COL4A4: variants seen among roughly 807,000 people sequenced by gnomAD.
COL4A4 encodes collagen alpha-4(IV) chain.
Under a neutral mutation model 192.9 loss-of-function variants are expected in COL4A4, and 105 were observed. That is an observed-to-expected ratio of 0.54 (90% CI 0.46 to 0.64). The LOEUF is 0.64. Among genes scored for constraint, COL4A4 ranks in the 30% least tolerant of loss-of-function variants. The pLI is 0.00. For synonymous variants in COL4A4, 762 were observed against 769.9 expected (o/e 0.99, Z 0.17); for missense variants, 1,967 against 2,169.3 (o/e 0.91, Z 1.85).
At chr2:227,024,036 A>C (rs1575830629) in intron 43 of COL4A4, among the ~76,000 whole-genome samples, 1 of 151,412 alleles carries the variant, frequency 6.6e-6, no homozygotes, top group Non-Finnish European at 1.5e-5. Context: ...AACAAAAAAA[A>C]CCACTCAGGC....
downstream of COL4A4, among the ~76,000 whole-genome samples, chr2:226,999,442 A>AC (rs1446044551): frequency 6.6e-6 from 1 of 152,144 alleles, no homozygotes; most frequent in African/African-American, 2.4e-5. Context: ...TTCCCACACG[A>AC]CCAAGAAGTG....
chr2:227,125,284 T>G (rs2062021088), intron 4 of COL4A4, among the ~76,000 whole-genome samples: 1 of 152,062 alleles, frequency 6.6e-6, no homozygotes, highest in South Asian at 2.1e-4. Context: ...CTCAGCTCAC[T>G]GCAACCTCTG....
At chr2:227,040,577 T>C (rs906384952) in intron 37 of COL4A4, among the ~76,000 whole-genome samples, 1 of 151,854 alleles carries the variant, frequency 6.6e-6, no homozygotes, top group Admixed American at 6.6e-5. Context: ...TCTTTTTTTT[T>C]TTTTTTGAGA....
intron 25 of COL4A4, among the ~76,000 whole-genome samples, chr2:227,065,349 C>G (rs1273091031): frequency 2.6e-5 from 4 of 152,300 alleles, no homozygotes; most frequent in Admixed American, 6.5e-5. Flanking sequence ...CAAAGCAGCC[C>G]AGAAGCTCAA....
intron 25 of COL4A4, among the ~76,000 whole-genome samples, chr2:227,065,250 T>C (rs1202213300): frequency 5.3e-5 from 8 of 152,258 alleles, no homozygotes; most frequent in Non-Finnish European, 1.2e-4. Context: ...CCAGGCTGAT[T>C]GCTAGCACAG....
At chr2:227,143,694 A>G (rs113978207) in intron 3 of COL4A4, among the ~76,000 whole-genome samples, 12 of 152,392 alleles carry the variant, frequency 7.9e-5, no homozygotes, top group African/African-American at 2.9e-4. Flanking sequence ...ACACATGTAT[A>G]TATCATAGTA....
At chr2:227,084,798 A>C (rs2059499320) in intron 22 of COL4A4, among the ~76,000 whole-genome samples, 1 of 151,990 alleles carries the variant, frequency 6.6e-6, no homozygotes, top group Non-Finnish European at 1.5e-5. Flanking sequence ...ATCACCAAAC[A>C]CTTGTGTTAC....
chr2:227,047,763 G>A (rs973735575), intron 34 of COL4A4, among the ~76,000 whole-genome samples: 3 of 66,702 alleles, frequency 4.5e-5, no homozygotes, highest in Admixed American at 1.4e-4. Flanking sequence ...ACACACACAC[G>A]GTTTTAGAAT....
chr2:227,143,213 C>T (rs1457566956), intron 3 of COL4A4, among the ~76,000 whole-genome samples: 1 of 152,196 alleles, frequency 6.6e-6, no homozygotes, highest in Non-Finnish European at 1.5e-5. Flanking sequence ...ACATACCATA[C>T]TTTGTTTAAC....
At chr2:227,109,794 T>C (rs1460810600) in intron 9 of COL4A4, among the ~76,000 whole-genome samples, 2 of 150,782 alleles carry the variant, frequency 1.3e-5, no homozygotes, top group Admixed American at 1.3e-4. Context: ...CTCTGGTAGT[T>C]GTGATAAATT....
At chr2:227,147,675 T>C in intron 1 of COL4A4, 91 bp from the exon 2 acceptor site, 1 of 549,052 alleles carries the variant, frequency 1.8e-6, no homozygotes, top group Non-Finnish European at 3.3e-6. Flanking sequence ...GGAAATATTT[T>C]CTAAAGGGTA....
chr2:227,070,677 C>G (rs1366270724), intron 25 of COL4A4, among the ~76,000 whole-genome samples: 1 of 126,586 alleles, frequency 7.9e-6, no homozygotes, highest in African/African-American at 3.1e-5. Context: ...AATGAGAACA[C>G]ATAGACACAG....
intron 45 of COL4A4, 148 bp from the exon 46 acceptor site, chr2:227,010,649 C>T: frequency 3.5e-6 from 2 of 578,236 alleles, no homozygotes; most frequent in Non-Finnish European, 6.0e-6. Flanking sequence ...GGAACGTACA[C>T]AGCTACACAG....
rs1377572154 is a variant in COL4A4, at chr2:227,103,986, A to G, written c.802T>C (p.Tyr268His). 3 of 1,613,486 alleles carry G rather than the reference A, an allele frequency of 1.9e-6. No homozygotes were observed. Among genetic ancestry groups the G allele is most frequent in the Non-Finnish European group, 2.5e-6 (3 of 1,179,718 alleles). The change falls in exon 13 of 48, where the codon TAT becomes CAT. Residue 268 changes from tyrosine (Y) to histidine (H), a missense_variant. Physicochemically the swap from Tyr to His is moderately conservative, Grantham distance 83. Transcript: ENST00000396625. ...TTGGGAATTACCTTTTCTCCTTTAT[A>G]GAGACAAAAGTCAGGTGGCTCTACC... ...LLVEPPDFCL[Y>H]KGEKGIKGIP...
At chr2:227,084,811 T>C (rs958830238) in intron 22 of COL4A4, among the ~76,000 whole-genome samples, 1 of 152,092 alleles carries the variant, frequency 6.6e-6, no homozygotes, top group Non-Finnish European at 1.5e-5. Context: ...TGTGTTACTC[T>C]AACAACGGAA....
chr2:227,148,549 C>T (rs1451735121), intron 1 of COL4A4, among the ~76,000 whole-genome samples: 1 of 152,010 alleles, frequency 6.6e-6, no homozygotes, highest in East Asian at 1.9e-4. Context: ...GGCTGCACAA[C>T]ATTATGAATA....
At chr2:227,018,171 C>T (rs536936143) in intron 44 of COL4A4, among the ~76,000 whole-genome samples, 1 of 152,274 alleles carries the variant, frequency 6.6e-6, no homozygotes, top group East Asian at 1.9e-4. Context: ...TCCTAGCTGT[C>T]CTGCAGTTCT....
chr2:227,046,112 T>C (rs2150137932), intron 35 of COL4A4, among the ~76,000 whole-genome samples: 1 of 111,982 alleles, frequency 8.9e-6, no homozygotes, highest in Non-Finnish European at 1.8e-5. Flanking sequence ...TATATCTAAA[T>C]ATATTTGTTC....
chr2:227,113,824 G>A (rs1302743717), intron 8 of COL4A4, among the ~76,000 whole-genome samples: 1 of 152,140 alleles, frequency 6.6e-6, no homozygotes, highest in Non-Finnish European at 1.5e-5. Context: ...CAGAACCTAG[G>A]GTCTCATAGA....
Sources: allele counts gnomAD v4.1 joint callset (sites outside exome capture counted in the v4.1 genomes callset), GRCh38; gene constraint gnomAD v4.1.1; transcripts MANE v1.5; gene names NCBI Gene and HGNC (gene_info 2026-07-23, HGNC 2026-07-21).